The following TEX29 variants were observed in gnomAD, a reference collection of about 807,000 sequenced individuals.
TEX29 encodes the protein testis expressed 29.
TEX29 carries 26 observed loss-of-function variants against 18.2 expected under a neutral mutation model. That is an observed-to-expected ratio of 1.43 (90% CI 1.04 to 1.98). TEX29 has a LOEUF of 1.98. TEX29 is among the 30% of genes most tolerant of loss of function. The pLI is 0.00. For missense variants in TEX29, 177 were observed against 194.2 expected, an observed-to-expected ratio of 0.91 and a Z score of 0.53; for synonymous variants, 83 against 78.5, an observed-to-expected ratio of 1.06 and a Z score of -0.31.
intron 2 of TEX29, among the ~76,000 whole-genome samples, chr13:111,324,544 C>T (rs773632298): frequency 3.3e-5 from 5 of 152,148 alleles, no homozygotes; most frequent in South Asian, 2.1e-4. Flanking sequence ...ACTGAGGACC[C>T]GGCGCTGCCC....
At chr13:111,328,162 T>C in intron 2 of TEX29, 21 bp from the exon 3 acceptor site, 1 of 1,523,096 alleles carries the variant, frequency 6.6e-7, no homozygotes, top group Non-Finnish European at 9.1e-7. Context: ...GTGACACTTG[T>C]GTATGTCTGT....
intron 3 of TEX29, among the ~76,000 whole-genome samples, chr13:111,335,943 TGTAA>T (rs2093689096): frequency 1.3e-5 from 2 of 152,192 alleles, no homozygotes. Flanking sequence ...CTGGCCTGTT[TGTAA>T]GTGTTGGCAT....
intron 3 of TEX29, among the ~76,000 whole-genome samples, chr13:111,333,698 C>G (rs1467053622): frequency 2.6e-5 from 4 of 152,210 alleles, no homozygotes; most frequent in African/African-American, 9.6e-5. Context: ...TTCTGCATGG[C>G]TAGGGAGGCC....
intron 3 of TEX29, among the ~76,000 whole-genome samples, chr13:111,331,764 TA>T (rs1381421770): frequency 2.6e-5 from 4 of 152,326 alleles, no homozygotes; most frequent in Admixed American, 2.0e-4. Context: ...CCAACTTCAT[TA>T]TTTTGCATAT....
intron 3 of TEX29, among the ~76,000 whole-genome samples, chr13:111,330,341 A>G (rs1181403972): frequency 6.6e-6 from 1 of 152,178 alleles, no homozygotes; most frequent in East Asian, 1.9e-4. Flanking sequence ...TTGGCACCTC[A>G]TCAAAAGAAG....
intron 3 of TEX29, chr13:111,339,174 T>C (rs1424928056): frequency 4.5e-6 from 2 of 442,166 alleles, no homozygotes; most frequent in Non-Finnish European, 9.1e-6. Flanking sequence ...GGCTTGACTT[T>C]TGCTGAGGCT....
intron 3 of TEX29, among the ~76,000 whole-genome samples, chr13:111,339,078 A>G (rs1479359404): frequency 6.6e-6 from 1 of 152,176 alleles, no homozygotes. Context: ...TCCTCCTCCC[A>G]GTTACCCCCG....
upstream of TEX29, among the ~76,000 whole-genome samples, chr13:111,319,597 C>T (rs1487244684): frequency 1.3e-5 from 2 of 152,154 alleles, no homozygotes; most frequent in Non-Finnish European, 2.9e-5. Flanking sequence ...TCTTCTCTTG[C>T]TCTCCACATC....
chr13:111,331,029 T>C (rs530167280), intron 3 of TEX29, among the ~76,000 whole-genome samples: 1 of 152,390 alleles, frequency 6.6e-6, no homozygotes, highest in African/African-American at 2.4e-5. Flanking sequence ...TAGGTTTTTG[T>C]GCAAACATGT....
At position 111,342,801 on chromosome 13, in the gene TEX29, C is replaced by T. The variant is rs141666376; in HGVS notation, c.285C>T (p.Val95=). 74 of 1,613,882 alleles carry T rather than the reference C, an allele frequency of 4.6e-5. No homozygotes were observed. The highest frequency in any genetic ancestry group is 5.6e-5 in the Non-Finnish European group (66 of 1,180,006). Reference sequence around the variant, plus strand: ...AAGAAAAGGCCATCCCTGTGGATGTCGCGCTGCCACAGAAGTCCAGCGAAA... The same window carrying T: ...AAGAAAAGGCCATCCCTGTGGATGTTGCGCTGCCACAGAAGTCCAGCGAAA... ...SRKEKAIPVD[V]ALPQKSSEKA... The change falls in exon 5 of 6, where the codon GTC becomes GTT. Residue 95 remains valine, a synonymous_variant. Coordinates refer to ENST00000283547, the MANE Select transcript of TEX29 (RefSeq NM_152324.3).
rs1169590624 is a variant in TEX29, at chr13:111,342,785, C to G, written c.269C>G (p.Ala90Gly). ...ATTCAGGAGAGCAGGAAAGAAAAGG[C>G]CATCCCTGTGGATGTCGCGCTGCCA... ...RVIQESRKEKAIPVDVALPQK... is the reference protein window; with the variant it reads ...RVIQESRKEKGIPVDVALPQK... The change falls in exon 5 of 6, where the codon GCC (alanine) becomes GGC (glycine). Residue 90 changes from alanine (A) to glycine (G), a missense_variant. Physicochemically the swap from Ala to Gly is moderately conservative, Grantham distance 60. Transcript: ENST00000283547. 1 of 1,613,994 alleles carries G rather than the reference C, an allele frequency of 6.2e-7. No individual in the cohort carries two copies.
intron 2 of TEX29, among the ~76,000 whole-genome samples, chr13:111,321,629 A>G (rs954956429): frequency 1.3e-5 from 2 of 152,048 alleles, no homozygotes; most frequent in African/African-American, 4.8e-5. Flanking sequence ...CAAAAACAAA[A>G]AAAAACCCAA....
intron 3 of TEX29, among the ~76,000 whole-genome samples, chr13:111,329,517 G>T (rs894307922): frequency 6.6e-6 from 1 of 151,234 alleles, no homozygotes; most frequent in East Asian, 1.9e-4. Context: ...TTAGAAAGTC[G>T]GGAAACGTTA....
At chr13:111,339,208 T>C (rs1214837919) in intron 3 of TEX29, 3 of 453,692 alleles carry the variant, frequency 6.6e-6, no homozygotes, top group African/African-American at 4.0e-5. Flanking sequence ...CACGGGAAAC[T>C]TGGGGATTGC....
chr13:111,330,503 C>T (rs1323025948), intron 3 of TEX29, among the ~76,000 whole-genome samples: 1 of 152,238 alleles, frequency 6.6e-6, no homozygotes, highest in Non-Finnish European at 1.5e-5. Context: ...TTCCAGGAGC[C>T]TCTGGGATTC....
chr13:111,319,248 G>A (rs1046354341), upstream of TEX29, among the ~76,000 whole-genome samples: 4 of 152,116 alleles, frequency 2.6e-5, no homozygotes, highest in African/African-American at 4.8e-5. Context: ...GAAAATCTAC[G>A]TCCACACAGA....
At chr13:111,337,598 G>A (rs997918582) in intron 3 of TEX29, among the ~76,000 whole-genome samples, 2 of 152,048 alleles carry the variant, frequency 1.3e-5, no homozygotes, top group African/African-American at 2.4e-5. Context: ...CATCTATCTA[G>A]GGTGTAAATA....
rs2093700162 is a variant in TEX29, at chr13:111,343,532, A to T, written c.416-551A>T. On this transcript the variant is annotated intron_variant, in intron 5 of 5. Coordinates refer to ENST00000283547, the MANE Select transcript of TEX29 (RefSeq NM_152324.3). ...ATGCCTGCTTCGGTTTCCAGGAAGGAAAGTTTCTCATATGTTGGTTTACCT... is the reference window on the plus strand; with the variant it reads ...ATGCCTGCTTCGGTTTCCAGGAAGGTAAGTTTCTCATATGTTGGTTTACCT... Among the ~76,000 whole-genome samples the T allele has an allele frequency of 2.0e-5, 3 of 152,170 alleles. No homozygotes were observed. The South Asian group carries it at 6.2e-4, about 32-fold the overall frequency.
At chr13:111,332,828 G>T (rs1170504576) in intron 3 of TEX29, among the ~76,000 whole-genome samples, 2 of 151,934 alleles carry the variant, frequency 1.3e-5, no homozygotes, top group African/African-American at 4.8e-5. Context: ...GCACCTTAAT[G>T]GTGCTCTTTA....
Sources: gnomAD v4.1 joint callset for allele counts (sites outside exome capture counted in the v4.1 genomes callset) on GRCh38, gnomAD v4.1.1 for gene constraint, MANE v1.5 for transcripts, NCBI Gene and HGNC (gene_info 2026-07-23, HGNC 2026-07-21) for gene names.